Variants in KCNK2 observed in about 807,000 individuals in gnomAD.
The protein encoded by KCNK2 is potassium two pore domain channel subfamily K member 2.
A neutral mutation model predicts 40.5 loss-of-function variants in KCNK2; 21 were observed. That is an observed-to-expected ratio of 0.52 (90% CI 0.37 to 0.75). The LOEUF is 0.75. Ranked by LOEUF, KCNK2 falls within the 30% of genes least tolerant of loss-of-function variation. The pLI is 0.00. For synonymous variants in KCNK2, 191 were observed against 202.2 expected (o/e 0.94, Z 0.47); for missense variants, 399 against 531.6 (o/e 0.75, Z 2.45).
chr1:215,194,381 C>G (rs1035173685), intron 5 of KCNK2, among the ~76,000 whole-genome samples: 1 of 152,086 alleles, frequency 6.6e-6, no homozygotes. Flanking sequence ...GTAGTATTAC[C>G]TGCAAATTTC....
intron 1 of KCNK2, among the ~76,000 whole-genome samples, chr1:215,029,504 A>G (rs1035660560): frequency 1.4e-5 from 2 of 147,974 alleles, no homozygotes; most frequent in Non-Finnish European, 3.0e-5. Flanking sequence ...TTATATAAAT[A>G]ACAGAATATA....
intron 1 of KCNK2, among the ~76,000 whole-genome samples, chr1:215,024,029 C>T (rs1057389526): frequency 6.6e-6 from 1 of 152,034 alleles, no homozygotes; most frequent in Admixed American, 6.5e-5. Flanking sequence ...AAACTGCTGC[C>T]AAGGAGTAGG....
intron 2 of KCNK2, among the ~76,000 whole-genome samples, chr1:215,103,026 T>C (rs1235783887): frequency 6.6e-6 from 1 of 151,964 alleles, no homozygotes; most frequent in African/African-American, 2.4e-5. Flanking sequence ...TGGAGAAATG[T>C]TTATGAAAGT....
intron 1 of KCNK2, among the ~76,000 whole-genome samples, chr1:215,053,228 T>A (rs1658049357): frequency 6.6e-6 from 1 of 152,112 alleles, no homozygotes; most frequent in African/African-American, 2.4e-5. Flanking sequence ...AAAACCAAAC[T>A]CTCAGAAGGG....
At chr1:215,153,620 AT>A (rs1240012546) in intron 3 of KCNK2, among the ~76,000 whole-genome samples, 5 of 150,672 alleles carry the variant, frequency 3.3e-5, no homozygotes, top group Non-Finnish European at 7.4e-5. Context: ...GTCTAATTTA[AT>A]TTTTTTTAAA....
chr1:215,005,848 C>T (rs1486173271), upstream of KCNK2: 5 of 1,395,786 alleles, frequency 3.6e-6, no homozygotes, highest in East Asian at 2.3e-5. Flanking sequence ...TTGGAAATTA[C>T]GGACAAGAAA....
Position 215,083,396 on chromosome 1 carries a change from G to T in KCNK2, c.11G>T (p.Ser4Ile). Residue 4 changes from serine (S) to isoleucine (I), a missense_variant, in exon 1 of 7, where the codon AGC becomes ATC. By Grantham distance (142) the Ser-to-Ile change is moderately radical (BLOSUM62 -2). Around this residue, in one of 3 missense-constraint regions of KCNK2, gnomAD observed 279 missense variants for 353.8 expected, o/e 0.79. Transcript: ENST00000444842. ...AATGCTGCATGCCTCATGCTTCCCA[G>T]CGCCTCGCGGGAGAGACCCGGCTAT... is the stretch of plus-strand genomic sequence containing the variant. MLPSASRERPGYRA... is the reference protein window; with the variant it reads MLPIASRERPGYRA... 1 of 1,614,078 alleles carries T rather than the reference G, an allele frequency of 6.2e-7. No individual in the cohort carries two copies. The highest frequency in any genetic ancestry group is 8.5e-7 in the Non-Finnish European group (1 of 1,179,998).
chr1:215,111,996 G>A (rs1226232366), intron 2 of KCNK2, among the ~76,000 whole-genome samples: 1 of 150,390 alleles, frequency 6.6e-6, no homozygotes. Context: ...CCAAGTACAG[G>A]GATTTACTCT....
intron 6 of KCNK2, among the ~76,000 whole-genome samples, chr1:215,196,512 C>A (rs1233106438): frequency 6.6e-6 from 1 of 152,138 alleles, no homozygotes; most frequent in Non-Finnish European, 1.5e-5. Context: ...AGTCTGTATG[C>A]ATTAGTCTAT....
At chr1:215,187,402 A>T (rs1032299461) in intron 5 of KCNK2, among the ~76,000 whole-genome samples, 8 of 152,160 alleles carry the variant, frequency 5.3e-5, no homozygotes, top group Admixed American at 1.3e-4. Flanking sequence ...TGATAAGTTA[A>T]GTCATGCTTG....
At chr1:215,222,390 C>T (rs1666216744) in intron 6 of KCNK2, among the ~76,000 whole-genome samples, 1 of 152,146 alleles carries the variant, frequency 6.6e-6, no homozygotes, top group Non-Finnish European at 1.5e-5. Flanking sequence ...TACTCTGCAA[C>T]AAGTGAGTGT....
Position 215,172,016 on chromosome 1 carries a change from C to A in KCNK2, c.656C>A (p.Thr219Asn), listed in dbSNP as rs1437366407. 6.2e-7 allele frequency: 1 copy of A among 1,612,432 alleles called. No homozygotes were observed. The highest frequency in any genetic ancestry group is 8.5e-7 in the Non-Finnish European group (1 of 1,179,254). The change falls in exon 5 of 7, where the codon ACC (threonine) becomes AAC (asparagine). Residue 219 changes from threonine (T) to asparagine (N), a missense_variant. Transcript: ENST00000444842. ...DTFIKWNVSQTKIRIISTIIF... is the reference protein window; with the variant it reads ...DTFIKWNVSQNKIRIISTIIF... ...CCCTAGAAGTGGAATGTTAGTCAGACCAAGATTCGCATCATCTCAACAATC... is the reference window on the plus strand; with the variant it reads ...CCCTAGAAGTGGAATGTTAGTCAGAACAAGATTCGCATCATCTCAACAATC...
At chr1:215,099,452 C>T (rs1449833041) in intron 2 of KCNK2, among the ~76,000 whole-genome samples, 1 of 151,906 alleles carries the variant, frequency 6.6e-6, no homozygotes, top group Non-Finnish European at 1.5e-5. Context: ...AGTGTATCCT[C>T]AGTCTACAGT....
chr1:215,053,059 GTTTCT>G (rs1265639655), intron 1 of KCNK2, among the ~76,000 whole-genome samples: 3 of 151,756 alleles, frequency 2.0e-5, no homozygotes, highest in African/African-American at 7.3e-5. Context: ...GGTTTTTTTG[GTTTCT>G]TTTCTTTTCT....
chr1:215,232,417 G>A (rs1197559565), intron 6 of KCNK2, among the ~76,000 whole-genome samples: 1 of 152,162 alleles, frequency 6.6e-6, no homozygotes, highest in African/African-American at 2.4e-5. Flanking sequence ...AGTAAGATTA[G>A]TGTCTACAGA....
intron 1 of KCNK2, among the ~76,000 whole-genome samples, chr1:215,063,676 G>C (rs981868888): frequency 1.3e-5 from 2 of 152,158 alleles, no homozygotes; most frequent in East Asian, 1.9e-4. Flanking sequence ...CTCTCGCTCA[G>C]ACTCCTCTGA....
intron 1 of KCNK2, among the ~76,000 whole-genome samples, chr1:215,040,364 G>T (rs559212118): frequency 2.0e-5 from 3 of 152,132 alleles, no homozygotes; most frequent in African/African-American, 4.8e-5. Context: ...TAACTTGCCC[G>T]AGGTCACACT....
intron 3 of KCNK2, among the ~76,000 whole-genome samples, chr1:215,155,855 A>G (rs1662896576): frequency 6.6e-6 from 1 of 152,128 alleles, no homozygotes; most frequent in African/African-American, 2.4e-5. Context: ...ACAAAGAAAC[A>G]CTGTATTTCA....
intron 1 of KCNK2, among the ~76,000 whole-genome samples, chr1:215,042,318 G>A (rs894784304): frequency 2.0e-5 from 3 of 152,102 alleles, no homozygotes; most frequent in South Asian, 2.1e-4. Flanking sequence ...AAATCATTCC[G>A]TTGCATTTTG....
Sources: allele counts gnomAD v4.1 joint callset (sites outside exome capture counted in the v4.1 genomes callset), GRCh38; gene constraint gnomAD v4.1.1; regional missense constraint gnomAD v4.1.1; transcripts MANE v1.5; gene names NCBI Gene and HGNC (gene_info 2026-07-23, HGNC 2026-07-21).